The following BMPR1A variants were observed in gnomAD, a reference collection of about 807,000 sequenced individuals.
BMPR1A encodes bone morphogenetic protein receptor type 1A, also known as bone morphogenetic protein receptor type-1A.
Under a neutral mutation model 66.0 loss-of-function variants are expected in BMPR1A, and 7 were observed. That is an observed-to-expected ratio of 0.11 (90% CI 0.06 to 0.20). The LOEUF is 0.20. Ranked by LOEUF, BMPR1A falls within the 10% of genes least tolerant of loss-of-function variation. The pLI is 1.00. For missense variants in BMPR1A, 408 were observed against 669.1 expected (o/e 0.61, Z 4.31); for synonymous variants, 200 against 229.7 (o/e 0.87, Z 1.17).
intron 2 of BMPR1A, among the ~76,000 whole-genome samples, chr10:86,868,007 G>A (rs1842806732): frequency 6.6e-6 from 1 of 152,192 alleles, no homozygotes; most frequent in Non-Finnish European, 1.5e-5. Context: ...TTCAGGGGTG[G>A]CGATGAAATT....
chr10:86,892,808 A>G (rs922219808), intron 5 of BMPR1A, among the ~76,000 whole-genome samples: 1 of 151,006 alleles, frequency 6.6e-6, no homozygotes, highest in Non-Finnish European at 1.5e-5. Context: ...GGTTGCAGTT[A>G]GCCGAGATCG....
chr10:86,904,230 TCC>T (rs993432496), intron 7 of BMPR1A, among the ~76,000 whole-genome samples: 1 of 152,100 alleles, frequency 6.6e-6, no homozygotes, highest in Non-Finnish European at 1.5e-5. Context: ...AAACCATGAA[TCC>T]AGATATCTGA....
chr10:86,891,432 T>C (rs567868950), intron 4 of BMPR1A, among the ~76,000 whole-genome samples: 4 of 152,134 alleles, frequency 2.6e-5, no homozygotes, highest in Non-Finnish European at 5.9e-5. Flanking sequence ...TTCTTCTAAG[T>C]AGAAGCAGCA....
chr10:86,876,520 AC>A lies in BMPR1A; in HGVS notation c.67+436del, dbSNP rs542729028. On this transcript the variant is annotated intron_variant, in intron 3 of 12. Coordinates refer to ENST00000372037, the MANE Select transcript of BMPR1A (RefSeq NM_004329.3). Reference sequence around the variant, plus strand: ...TTTTATTGGCCAGGCACAGTGGCTCACACCTGTAATCCCAGCGCTTTGGGAG... The same window carrying A: ...TTTTATTGGCCAGGCACAGTGGCTCAACCTGTAATCCCAGCGCTTTGGGAG... 8.5e-5 allele frequency among the ~76,000 whole-genome samples: 13 copies of A among 152,304 alleles called. No individual in the cohort carries two copies. The East Asian group carries it at 2.5e-3, about 29-fold the overall frequency.
At chr10:86,805,173 AT>A (rs1044927188) in intron 1 of BMPR1A, among the ~76,000 whole-genome samples, 2 of 152,152 alleles carry the variant, frequency 1.3e-5, no homozygotes, top group African/African-American at 4.8e-5. Flanking sequence ...CTATTTACAA[AT>A]TTATGGTCTG....
At chr10:86,827,311 A>G (rs1176991533) in intron 1 of BMPR1A, among the ~76,000 whole-genome samples, 3 of 151,548 alleles carry the variant, frequency 2.0e-5, no homozygotes, top group Non-Finnish European at 2.9e-5. Flanking sequence ...TTTTATTTAT[A>G]TTACAATTTT....
chr10:86,839,589 T>C (rs1011959678), intron 2 of BMPR1A, among the ~76,000 whole-genome samples: 1 of 99,092 alleles, frequency 1.0e-5, no homozygotes, highest in Non-Finnish European at 2.0e-5. Context: ...TGAGACTCTG[T>C]CTCAAAAAAA....
chr10:86,878,728 C>T (rs1465418728), intron 3 of BMPR1A, among the ~76,000 whole-genome samples: 1 of 152,198 alleles, frequency 6.6e-6, no homozygotes, highest in African/African-American at 2.4e-5. Flanking sequence ...AAAAGTGTCA[C>T]AGATTTTGTC....
intron 2 of BMPR1A, among the ~76,000 whole-genome samples, chr10:86,839,975 TTTAACATG>T (rs894842289): frequency 2.6e-5 from 4 of 152,174 alleles, no homozygotes; most frequent in Admixed American, 2.0e-4. Context: ...GATAAGATTT[TTTAACATG>T]TTAGAATAAT....
chr10:86,799,506 C>CTTTCT (rs145820527), intron 1 of BMPR1A, among the ~76,000 whole-genome samples: 1,237 of 64,498 alleles, frequency 0.019, 16 homozygotes, highest in Middle Eastern at 0.03. Flanking sequence ...TCCTTCCTTC[C>CTTTCT]TTTCTTTTCT....
chr10:86,756,314 G>A (rs1847859770), upstream of BMPR1A: 2 of 152,136 alleles, frequency 1.3e-5, no homozygotes, highest in Non-Finnish European at 2.9e-5. Flanking sequence ...GGCTTGTGGG[G>A]AGGGGCCGGC....
In BMPR1A at chr10:86,866,399, CTTT is replaced by C. The variant is rs1048293127; in HGVS notation, c.-152-9443_-152-9441del. 9.2e-4 allele frequency among the ~76,000 whole-genome samples: 64 copies of C among 69,472 alleles called. 4 individuals carry two copies. Among genetic ancestry groups the C allele is most frequent in the East Asian group, 4.5e-3 (7 of 1,542 alleles). The allele number at this position is 69,472 out of a possible 152,430, so 45.6% of individuals were successfully genotyped here. ...TGTGTTAAGTTGGGCAAGTTTCTTT[CTTT>C]TTTTTTTTTTTTTTTTTTTTTTTTG... On this transcript the variant is annotated intron_variant, in intron 2 of 12. Coordinates refer to ENST00000372037, the MANE Select transcript of BMPR1A (RefSeq NM_004329.3).
chr10:86,798,304 T>G (rs1352022847), intron 1 of BMPR1A, among the ~76,000 whole-genome samples: 1 of 152,168 alleles, frequency 6.6e-6, no homozygotes, highest in Non-Finnish European at 1.5e-5. Context: ...CTTAAAAAAC[T>G]AATACTAAGT....
At chr10:86,759,277 T>C (rs1840987069) in intron 1 of BMPR1A, among the ~76,000 whole-genome samples, 1 of 152,240 alleles carries the variant, frequency 6.6e-6, no homozygotes, top group Non-Finnish European at 1.5e-5. Context: ...CTCTTTAATA[T>C]GCGTTCTCCA....
chr10:86,884,188 G>A (rs868461631), intron 3 of BMPR1A, among the ~76,000 whole-genome samples: 11 of 151,348 alleles, frequency 7.3e-5, no homozygotes, highest in Non-Finnish European at 1.5e-5. Context: ...GTTCTTAAGC[G>A]ATCCTTCCGC....
At chr10:86,919,790 C>T (rs1843635693) in intron 10 of BMPR1A, among the ~76,000 whole-genome samples, 2 of 152,166 alleles carry the variant, frequency 1.3e-5, no homozygotes, top group Non-Finnish European at 2.9e-5. Context: ...TCACTGCAAC[C>T]TCGACCTCAT....
chr10:86,852,876 A>G (rs1564703610), intron 2 of BMPR1A, among the ~76,000 whole-genome samples: 1 of 152,204 alleles, frequency 6.6e-6, no homozygotes, highest in African/African-American at 2.4e-5. Flanking sequence ...CACAGAGAGA[A>G]ACTTATCCAA....
downstream of BMPR1A, chr10:86,931,444 T>C (rs1165222073): frequency 7.4e-6 from 1 of 135,518 alleles, no homozygotes; most frequent in East Asian, 3.8e-4. Context: ...CAGGTCAGTG[T>C]TGAAAAACAT....
At chr10:86,847,737 T>G (rs141412204) in intron 2 of BMPR1A, among the ~76,000 whole-genome samples, 23 of 151,860 alleles carry the variant, frequency 1.5e-4, no homozygotes, top group African/African-American at 5.3e-4. Context: ...AGTTCCTATA[T>G]AAAATTTTAA....
Sources: allele counts gnomAD v4.1 joint callset (sites outside exome capture counted in the v4.1 genomes callset), GRCh38; gene constraint gnomAD v4.1.1; transcripts MANE v1.5; gene names NCBI Gene and HGNC (gene_info 2026-07-23, HGNC 2026-07-21).